The following SPPL2B variants were observed in gnomAD, a reference collection of about 807,000 sequenced individuals.
SPPL2B encodes signal peptide peptidase like 2B.
A neutral mutation model predicts 59.7 loss-of-function variants in SPPL2B; 39 were observed. The ratio of observed to expected loss-of-function variants is 0.65; its 90% CI spans 0.51 to 0.85. The LOEUF (loss-of-function observed/expected upper bound fraction) is 0.85. SPPL2B is among the 40% of genes least tolerant of loss of function. SPPL2B has a pLI of 0.00. For missense variants in SPPL2B, 865 were observed against 849.0 expected, an observed-to-expected ratio of 1.02 and a Z score of -0.23; for synonymous variants, 419 against 370.8, an observed-to-expected ratio of 1.13 and a Z score of -1.49.
At chr19:2,338,718 G>A (rs1314626848) in intron 3 of SPPL2B, 34 bp from the exon 4 acceptor site, 20 of 1,500,312 alleles carry the variant, frequency 1.3e-5, no homozygotes, top group Non-Finnish European at 1.6e-5. Context: ...ACTGCTGCGG[G>A]TGATGCCTGC....
chr19:2,343,485 G>A lies in SPPL2B; in HGVS notation c.1038+193G>A, dbSNP rs552467971. Among the ~76,000 whole-genome samples the A allele has an allele frequency of 1.2e-3, 189 of 152,340 alleles. 1 individual carries two copies. The highest frequency in any genetic ancestry group is 4.1e-3 in the African/African-American group (171 of 41,582). ...CAAAGCCCCCGCTGAGGCGGCCTGG[G>A]TGGGTGGCTGCGGGGCGGTTCCCGG... On this transcript the variant is annotated intron_variant, in intron 9 of 14. Coordinates refer to ENST00000613503, the MANE Select transcript of SPPL2B (RefSeq NM_152988.3).
chr19:2,352,584 C>T (rs1352506594), intron 14 of SPPL2B, among the ~76,000 whole-genome samples: 2 of 152,074 alleles, frequency 1.3e-5, no homozygotes, highest in Non-Finnish European at 2.9e-5. Flanking sequence ...TCTCCTGGGG[C>T]CAGCACCCCC....
intron 3 of SPPL2B, 66 bp downstream of exon 3, chr19:2,337,691 G>A (rs1968737207): frequency 3.5e-6 from 5 of 1,437,574 alleles, no homozygotes; most frequent in Non-Finnish European, 4.6e-6. Flanking sequence ...AGGAGGCAGA[G>A]ATGGCAGCAG....
intron 12 of SPPL2B, 100 bp downstream of exon 12, chr19:2,344,752 G>A (rs1568445142): frequency 1.3e-6 from 1 of 778,190 alleles, no homozygotes; most frequent in Admixed American, 2.0e-5. Flanking sequence ...ACCGTCGGCT[G>A]GAGATAAAGC....
chr19:2,336,747 GTGTA>G (rs1968651654), intron 2 of SPPL2B, among the ~76,000 whole-genome samples: 1 of 151,780 alleles, frequency 6.6e-6, no homozygotes, highest in Non-Finnish European at 1.5e-5. Context: ...CGGCCTGGCT[GTGTA>G]TGTGTGCACG....
intron 5 of SPPL2B, among the ~76,000 whole-genome samples, chr19:2,339,419 GGGCTGGGCA>G (rs1194143046): frequency 6.6e-6 from 1 of 152,232 alleles, no homozygotes; most frequent in African/African-American, 2.4e-5. Flanking sequence ...TGGGTGTGTA[GGGCTGGGCA>G]GGTGTGGATG....
At chr19:2,351,620 G>A in intron 14 of SPPL2B, 26 bp downstream of exon 14, 1 of 1,591,294 alleles carries the variant, frequency 6.3e-7, no homozygotes. Flanking sequence ...CTCTGACTGT[G>A]AGAAATACTC....
chr19:2,351,971 C>T (rs1007750529), intron 14 of SPPL2B, among the ~76,000 whole-genome samples: 3 of 152,142 alleles, frequency 2.0e-5, no homozygotes, highest in South Asian at 2.1e-4. Flanking sequence ...GGGCATCCAT[C>T]GCCTCTCCTG....
rs200233967 is a variant in SPPL2B, at chr19:2,339,960, C to T, written c.736C>T (p.Leu246Phe). The change falls in exon 6 of 15, where the codon CTC (leucine) becomes TTC (phenylalanine). Residue 246 changes from leucine to phenylalanine, a missense_variant. Transcript: ENST00000613503. ...MLVLLYYFYD[L>F]LVYVVIGIFC... Reference sequence around the variant, plus strand: ...GGTGCTGCTCTACTATTTCTACGATCTCCTCGGTGCGCGGCCCCGGGCGGG... The same window carrying T: ...GGTGCTGCTCTACTATTTCTACGATTTCCTCGGTGCGCGGCCCCGGGCGGG... 2 of 1,553,342 alleles carry T rather than the reference C, an allele frequency of 1.3e-6. No homozygotes were observed. Among genetic ancestry groups the T allele is most frequent in the Non-Finnish European group, 8.7e-7 (1 of 1,147,858 alleles).
intron 12 of SPPL2B, among the ~76,000 whole-genome samples, chr19:2,345,034 G>A (rs1411731617): frequency 6.6e-6 from 1 of 152,126 alleles, no homozygotes; most frequent in African/African-American, 2.4e-5. Context: ...AGGTGTGTCT[G>A]CCTGGACTTT....
chr19:2,353,058 C>T lies in SPPL2B; in HGVS notation c.1628C>T (p.Ser543Phe). ...PQPPSEEPAT[S>F]PWPAEQSPKS... ...CCGCCCAGCGAAGAACCAGCCACAT[C>T]CCCCTGGCCTGCTGAGCAGTCCCCA... Residue 543 changes from serine (S) to phenylalanine (F), a missense_variant, in exon 15 of 15, where the codon TCC becomes TTC. Transcript: ENST00000613503. 5 of 1,612,078 alleles carry T rather than the reference C, an allele frequency of 3.1e-6. No homozygotes were observed. Among genetic ancestry groups the T allele is most frequent in the South Asian group, 1.1e-5 (1 of 91,054 alleles).
chr19:2,334,160 T>A (rs1968432194), intron 1 of SPPL2B, among the ~76,000 whole-genome samples: 1 of 152,172 alleles, frequency 6.6e-6, no homozygotes. Context: ...GTGCAGAGGC[T>A]TGCTTGTCCA....
chr19:2,340,548 G>C, intron 7 of SPPL2B: 1 of 576,932 alleles, frequency 1.7e-6, no homozygotes, highest in South Asian at 1.7e-5. Context: ...AACAAAGTCA[G>C]ACCTGGGTCT....
At chr19:2,334,765 G>A (rs1212150499) in intron 2 of SPPL2B, 44 bp downstream of exon 2, 2 of 1,478,458 alleles carry the variant, frequency 1.4e-6, no homozygotes, top group Non-Finnish European at 1.8e-6. Context: ...GAGAATGCGG[G>A]GGCCCCGGGG....
chr19:2,334,914 T>C (rs1968476849), intron 2 of SPPL2B, among the ~76,000 whole-genome samples, 193 bp downstream of exon 2: 1 of 152,122 alleles, frequency 6.6e-6, no homozygotes, highest in Admixed American at 6.5e-5. Flanking sequence ...AAGCTGTCCA[T>C]GCGGCCTTGG....
chr19:2,334,481 A>G, intron 1 of SPPL2B, 121 bp from the exon 2 acceptor site: 1 of 1,357,876 alleles, frequency 7.4e-7, no homozygotes, highest in Non-Finnish European at 9.9e-7. Flanking sequence ...ATCCCAGACC[A>G]CCTGGTGAAC....
intron 12 of SPPL2B, among the ~76,000 whole-genome samples, chr19:2,344,914 G>A (rs1265107498): frequency 1.3e-5 from 2 of 152,276 alleles, no homozygotes; most frequent in Non-Finnish European, 1.5e-5. Context: ...CCTGCTCGGG[G>A]TTGTGCAGGG....
Position 2,343,055 on chromosome 19 carries a change from C to T in SPPL2B, c.957-156C>T, listed in dbSNP as rs1314054855. ...AGTTGTAACAGCAGGGGTCCTCCCA[C>T]AGGTCTGGGGTCCTCAGAGTCATCC... On this transcript the variant is annotated intron_variant, in intron 8 of 14. Transcript: ENST00000613503. 9 of 637,668 alleles carry T rather than the reference C, an allele frequency of 1.4e-5. No homozygotes were observed. The Admixed American group carries it at 1.7e-4, about 12-fold the overall frequency. The allele number at this position is 637,668 out of a possible 1,614,324, so 39.5% of individuals were successfully genotyped here. A position where few individuals can be genotyped will look rare whatever the true frequency, so the allele number is the denominator to read the frequency against.
chr19:2,334,823 G>A, intron 2 of SPPL2B, 102 bp downstream of exon 2: 1 of 1,402,874 alleles, frequency 7.1e-7, no homozygotes, highest in East Asian at 2.7e-5. Flanking sequence ...CCAGAGGCGA[G>A]AGGCAGGCCC....
Sources: gnomAD v4.1 joint callset for allele counts (sites outside exome capture counted in the v4.1 genomes callset) on GRCh38, gnomAD v4.1.1 for gene constraint, MANE v1.5 for transcripts, NCBI Gene and HGNC (gene_info 2026-07-23, HGNC 2026-07-21) for gene names.